Variants in MDN1 observed in about 807,000 individuals in gnomAD.
The protein encoded by MDN1 is midasin.
Under a neutral mutation model 669.2 loss-of-function variants are expected in MDN1, and 266 were observed. The observed-to-expected ratio is 0.40, with a 90% CI of 0.36 to 0.44. The LOEUF (loss-of-function observed/expected upper bound fraction) is 0.44. Ranked by LOEUF, MDN1 falls within the 20% of genes least tolerant of loss-of-function variation. The pLI is 1.00. For missense variants in MDN1, 5,940 were observed against 6,754.0 expected (o/e 0.88, Z 4.22); for synonymous variants, 2,385 against 2,457.1 (o/e 0.97, Z 0.87).
At chr6:89,740,961 G>C (rs933350288) in intron 31 of MDN1, among the ~76,000 whole-genome samples, 6 of 152,254 alleles carry the variant, frequency 3.9e-5, no homozygotes, top group Admixed American at 2.6e-4. Flanking sequence ...GCCGGGCGCA[G>C]TGACTCTCGC....
chr6:89,743,271 C>T lies in MDN1; in HGVS notation c.4327G>A (p.Asp1443Asn). ...TGCCACTCAAAGAGTCTTGATGTGT[C>T]AATTTCTTCCTATAATTTGAAAAAG... ...RQKPNDKEEI[D>N]TSRLFEWHDG... Residue 1443 changes from aspartate to asparagine, a missense_variant, in exon 31 of 102, where the codon GAC becomes AAC. Physicochemically the swap from Asp to Asn is conservative, Grantham distance 23. Transcript: ENST00000369393. The T allele has an allele frequency of 6.2e-7, 1 of 1,614,000 alleles. No individual in the cohort carries two copies.
intron 83 of MDN1, 100 bp from the exon 84 acceptor site, chr6:89,668,251 A>G: frequency 1.4e-6 from 2 of 1,411,242 alleles, no homozygotes; most frequent in Non-Finnish European, 9.6e-7. Flanking sequence ...CACATACTGA[A>G]TTCTTTTTCT....
intron 83 of MDN1, among the ~76,000 whole-genome samples, chr6:89,670,338 C>T (rs1169635537): frequency 6.6e-6 from 1 of 150,776 alleles, no homozygotes; most frequent in Non-Finnish European, 1.5e-5. Flanking sequence ...CCACGCCCAG[C>T]TAATTTTTGT....
At chr6:89,665,727 A>G (rs918931192) in intron 84 of MDN1, among the ~76,000 whole-genome samples, 1 of 132,728 alleles carries the variant, frequency 7.5e-6, no homozygotes, top group East Asian at 2.5e-4. Context: ...AAAAAAAAAA[A>G]AAGAAGTCCT....
In MDN1 at chr6:89,685,954, C is replaced by G; in HGVS notation, c.11592G>C (p.Leu3864Phe). 6.2e-7 allele frequency: 1 copy of G among 1,611,934 alleles called. No individual in the cohort carries two copies. Among genetic ancestry groups the G allele is most frequent in the Non-Finnish European group, 8.5e-7 (1 of 1,179,516 alleles). ...CTTGTAATGTGCTGACCAGCAACAT[C>G]AAGGTCATCTGTTTGTCATCTTTAA... ...EEQEDDKQMTLMLLVSTLQAF... is the reference protein window; with the variant it reads ...EEQEDDKQMTFMLLVSTLQAF... The change falls in exon 70 of 102, where the codon TTG becomes TTC. Residue 3864 changes from leucine to phenylalanine, a missense_variant. Physicochemically the swap from Leu to Phe is conservative, Grantham distance 22. Around this residue, in one of 5 missense-constraint regions of MDN1, gnomAD observed 2,280 missense variants for 2,576.3 expected, o/e 0.88. Transcript: ENST00000369393.
intron 37 of MDN1, among the ~76,000 whole-genome samples, chr6:89,727,312 T>A (rs952409840): frequency 6.6e-6 from 1 of 152,170 alleles, no homozygotes; most frequent in Non-Finnish European, 1.5e-5. Context: ...CTGAATATTG[T>A]ACACCCCAAA....
At position 89,756,401 on chromosome 6, in the gene MDN1, A is replaced by G; in HGVS notation, c.2703-11T>C. The G allele has an allele frequency of 7.6e-7, 1 of 1,309,418 alleles. No individual in the cohort carries two copies. The highest frequency in any genetic ancestry group is 1.9e-4 in the Middle Eastern group (1 of 5,364). The allele number at this position is 1,309,418 out of a possible 1,614,324, so 81.1% of individuals were successfully genotyped here. Reference sequence around the variant, plus strand: ...TAAAGTTCTGTGAACCTGTAAAACAATACATAATAAACACTTTTTAGGAAG... The same window carrying G: ...TAAAGTTCTGTGAACCTGTAAAACAGTACATAATAAACACTTTTTAGGAAG... On this transcript the variant is annotated splice_polypyrimidine_tract_variant and intron_variant, in intron 19 of 101. Transcript: ENST00000369393.
chr6:89,776,708 C>T lies in MDN1; in HGVS notation c.1726-13G>A, dbSNP rs752175921. 1.3e-6 allele frequency: 2 copies of T among 1,545,160 alleles called. No homozygotes were observed. The highest frequency in any genetic ancestry group is 2.0e-5 in the Admixed American group (1 of 51,090). The stretch of plus-strand genomic sequence containing the variant: ...AACAGTCTAGAGCCTATTAAAATAA[C>T]CAAGGTAAATGCTGACTGATTTTTA... On this transcript the variant is annotated splice_polypyrimidine_tract_variant and intron_variant, in intron 11 of 101. Coordinates refer to ENST00000369393, the MANE Select transcript of MDN1 (RefSeq NM_014611.3).
intron 52 of MDN1, 41 bp downstream of exon 52, chr6:89,707,320 C>T: frequency 7.3e-7 from 1 of 1,372,322 alleles, no homozygotes. Context: ...ATTATGCAAT[C>T]AGATGCTTAA....
intron 1 of MDN1, among the ~76,000 whole-genome samples, chr6:89,815,682 G>A (rs76005518): frequency 6.6e-6 from 1 of 152,188 alleles, no homozygotes; most frequent in Non-Finnish European, 1.5e-5. Context: ...GTAATGCATC[G>A]TATACTTGAC....
At chr6:89,698,735 G>A in intron 59 of MDN1, 130 bp downstream of exon 59, 1 of 829,536 alleles carries the variant, frequency 1.2e-6, no homozygotes, top group Non-Finnish European at 1.9e-6. Context: ...TTAACATTCT[G>A]CAGAAAGTAA....
In MDN1 at chr6:89,732,774, C is replaced by T. The variant is rs773072846; in HGVS notation, c.4725G>A (p.Gly1575=). 12 of 1,613,038 alleles carry T rather than the reference C, an allele frequency of 7.4e-6. No individual in the cohort carries two copies. The highest frequency in any genetic ancestry group is 1.0e-5 in the Non-Finnish European group (12 of 1,179,642). The change falls in exon 34 of 102, where the codon GGG becomes GGA. Residue 1575 remains glycine (G), a splice_region_variant and synonymous_variant. Coordinates refer to ENST00000369393, the MANE Select transcript of MDN1 (RefSeq NM_014611.3). ...GLCLGRIDPK[G]SDIPEVMLDF... is the part of the protein sequence containing the mutation. ...CCAGCATCACTTCAGGTATGTCAGA[C>T]CCTAAACACAAGAAACAAAAAAAGC...
chr6:89,691,707 T>C (rs938620194), intron 63 of MDN1, among the ~76,000 whole-genome samples: 2 of 152,344 alleles, frequency 1.3e-5, no homozygotes, highest in African/African-American at 4.8e-5. Context: ...ATAATCACTA[T>C]ACATGAAGTT....
At position 89,650,215 on chromosome 6, in the gene MDN1, G is replaced by A. The variant is rs775157583; in HGVS notation, c.16032-17C>T. 52 of 1,595,744 alleles carry A rather than the reference G, an allele frequency of 3.3e-5. No homozygotes were observed. Among genetic ancestry groups the A allele is most frequent in the Middle Eastern group, 3.3e-4 (2 of 5,984 alleles). ...TAGTCTCCTCTATTTATTCAAATGG[G>A]GGCAAAAATTAGTTAACAACTTTTA... On this transcript the variant is annotated splice_polypyrimidine_tract_variant and intron_variant, in intron 96 of 101. Coordinates refer to ENST00000369393, the MANE Select transcript of MDN1 (RefSeq NM_014611.3).
At chr6:89,803,034 CT>C in intron 2 of MDN1, among the ~76,000 whole-genome samples, 1 of 152,286 alleles carries the variant, frequency 6.6e-6, no homozygotes, top group Admixed American at 6.5e-5. Flanking sequence ...ATTTACTCCG[CT>C]GTATATGCAT....
chr6:89,731,746 G>A (rs964231098), intron 34 of MDN1, among the ~76,000 whole-genome samples: 1 of 151,486 alleles, frequency 6.6e-6, no homozygotes, highest in East Asian at 1.9e-4. Flanking sequence ...CCGCATATTC[G>A]GTTTCTCTTC....
rs757658620 is a variant in MDN1, at chr6:89,658,884, T to G, written c.14747A>C (p.Glu4916Ala). 1.2e-6 allele frequency: 2 copies of G among 1,612,648 alleles called. No homozygotes were observed. Among genetic ancestry groups the G allele is most frequent in the Non-Finnish European group, 1.7e-6 (2 of 1,179,636 alleles). Residue 4916 changes from glutamate to alanine, a missense_variant, in exon 89 of 102, where the codon GAA (glutamate) becomes GCA (alanine). This residue lies in a region of MDN1 where 2,280 missense variants were observed against 2,576.3 expected (regional missense o/e 0.88). Transcript: ENST00000369393. ...TTCCTCAGCTTCATGACCTGCTTCT[T>G]CTGGTTTTTCTTTTATCTCCAAAGG... ...ENPLEIKEKP[E>A]EAGHEAEERG...
rs773890855 is a variant in MDN1 at position 89,759,973 on chromosome 6, G to A, written c.2461-1013C>T. Among the ~76,000 whole-genome samples, 67 of 152,102 alleles carry A rather than the reference G, an allele frequency of 4.4e-4. 1 individual carries two copies. Among genetic ancestry groups the A allele is most frequent in the Non-Finnish European group, 8.4e-4 (57 of 68,002 alleles). On this transcript the variant is annotated intron_variant, in intron 17 of 101. Transcript: ENST00000369393. Reference sequence around the variant, plus strand: ...TGTAATCCCAGCTACTCCAGAGGCTGAGGCAGGAGAATTGCTTCAACCCAG... The same window carrying A: ...TGTAATCCCAGCTACTCCAGAGGCTAAGGCAGGAGAATTGCTTCAACCCAG...
Position 89,653,057 on chromosome 6 carries a change from G to A in MDN1, c.15760C>T (p.Pro5254Ser), listed in dbSNP as rs1287800595. 1.3e-5 allele frequency: 21 copies of A among 1,614,080 alleles called. No individual in the cohort carries two copies. The highest frequency in any genetic ancestry group is 1.8e-5 in the Non-Finnish European group (21 of 1,179,998). ...ATGGTAGACTCTCGGCTTCTTTCTG[G>A]TTTCTCATTTTCTGTCTCCTTATGG... Reference protein sequence around the residue: ...KAHKETENEKPERSRESTIHT... With the variant: ...KAHKETENEKSERSRESTIHT... Residue 5254 changes from proline to serine, a missense_variant, in exon 94 of 102, where the codon CCA (proline) becomes TCA (serine). This residue lies in a region of MDN1 where 2,280 missense variants were observed against 2,576.3 expected (regional missense o/e 0.88). Coordinates refer to ENST00000369393, the MANE Select transcript of MDN1 (RefSeq NM_014611.3).
Sources: gnomAD v4.1 joint callset for allele counts (sites outside exome capture counted in the v4.1 genomes callset) on GRCh38, gnomAD v4.1.1 for gene constraint, gnomAD v4.1.1 regional missense constraint, MANE v1.5 for transcripts, NCBI Gene and HGNC (gene_info 2026-07-23, HGNC 2026-07-21) for gene names.